The following C7orf78 variants were observed in gnomAD, a reference collection of about 807,000 sequenced individuals.
C7orf78 encodes putative uncharacterized protein C7orf78.
the C7orf78 span, among the ~76,000 whole-genome samples, chr7:12,520,412 C>G: frequency 6.6e-5 from 10 of 152,232 alleles, no homozygotes; most frequent in African/African-American, 2.4e-4. Context: ...TTTGCTGTAT[C>G]CCATAGGTTT....
the C7orf78 span, among the ~76,000 whole-genome samples, chr7:12,501,502 T>G: frequency 0.095 from 14,358 of 150,868 alleles, 835 homozygotes; most frequent in Non-Finnish European, 0.13. Flanking sequence ...GAGAATAAAA[T>G]ACCTAGGAAT....
At chr7:12,501,853 A>C in the C7orf78 span, among the ~76,000 whole-genome samples, 1 of 75,720 alleles carries the variant, frequency 1.3e-5, no homozygotes, top group Admixed American at 1.7e-4. Flanking sequence ...TACAGTAACC[A>C]AAACAGCATG....
chr7:12,521,060 G>A, the C7orf78 span, among the ~76,000 whole-genome samples: 1 of 151,768 alleles, frequency 6.6e-6, no homozygotes, highest in African/African-American at 2.4e-5. Flanking sequence ...GTTTCCATTT[G>A]TATGGAACAT....
the C7orf78 span, chr7:12,531,138 C>G: frequency 5.0e-6 from 2 of 397,940 alleles, no homozygotes; most frequent in Non-Finnish European, 8.9e-6. Context: ...TATATTAACT[C>G]TTTAACATTA....
At chr7:12,531,700 A>C in the C7orf78 span, among the ~76,000 whole-genome samples, 7 of 152,272 alleles carry the variant, frequency 4.6e-5, no homozygotes, top group African/African-American at 1.7e-4. Flanking sequence ...AATAGTACCA[A>C]CTTTGCAGAG....
At chr7:12,528,057 T>C in the C7orf78 span, among the ~76,000 whole-genome samples, 1 of 149,392 alleles carries the variant, frequency 6.7e-6, no homozygotes, top group Non-Finnish European at 1.5e-5. Context: ...TTTCCTAGTA[T>C]ATGCTGTGTG....
chr7:12,486,408 T>C, the C7orf78 span, among the ~76,000 whole-genome samples: 1 of 151,970 alleles, frequency 6.6e-6, no homozygotes, highest in East Asian at 1.9e-4. Flanking sequence ...TATTAGGTTT[T>C]ATTTGCTCTT....
the C7orf78 span, among the ~76,000 whole-genome samples, chr7:12,529,484 T>C: frequency 3.9e-5 from 6 of 152,168 alleles, no homozygotes; most frequent in African/African-American, 1.4e-4. Context: ...CTGTAAAATA[T>C]TTGAAGAGAT....
the C7orf78 span, among the ~76,000 whole-genome samples, chr7:12,489,894 C>T: frequency 6.6e-6 from 1 of 152,050 alleles, no homozygotes; most frequent in Non-Finnish European, 1.5e-5. Context: ...CTTTCAATAG[C>T]TAGTGGATGT....
At chr7:12,498,008 C>T in the C7orf78 span, among the ~76,000 whole-genome samples, 2 of 151,878 alleles carry the variant, frequency 1.3e-5, no homozygotes, top group South Asian at 4.2e-4. Context: ...CTCCAACAGA[C>T]CTGCAGCTGA....
chr7:12,508,723 G>A, the C7orf78 span, among the ~76,000 whole-genome samples: 2 of 152,184 alleles, frequency 1.3e-5, no homozygotes, highest in Non-Finnish European at 2.9e-5. Context: ...AGCTTCACCT[G>A]TATTTACAGC....
the C7orf78 span, among the ~76,000 whole-genome samples, chr7:12,539,203 A>G: frequency 6.6e-6 from 1 of 152,140 alleles, no homozygotes; most frequent in Non-Finnish European, 1.5e-5. Flanking sequence ...AGTGGCTCAC[A>G]CCTGTAATCC....
the C7orf78 span, among the ~76,000 whole-genome samples, chr7:12,537,483 G>A: frequency 6.6e-6 from 1 of 152,122 alleles, no homozygotes. Context: ...ATAGGCAAGG[G>A]TATAGAGCAA....
chr7:12,508,771 T>G, the C7orf78 span, among the ~76,000 whole-genome samples: 1 of 152,182 alleles, frequency 6.6e-6, no homozygotes, highest in Non-Finnish European at 1.5e-5. Flanking sequence ...GAGCTCTGCT[T>G]CCTGTCAGAT....
the C7orf78 span, among the ~76,000 whole-genome samples, chr7:12,496,819 G>C: frequency 6.6e-6 from 1 of 152,130 alleles, no homozygotes; most frequent in Non-Finnish European, 1.5e-5. Flanking sequence ...AAATCAGATA[G>C]CATAAAGATA....
At chr7:12,538,946 C>G in the C7orf78 span, among the ~76,000 whole-genome samples, 2 of 152,182 alleles carry the variant, frequency 1.3e-5, no homozygotes, top group Non-Finnish European at 2.9e-5. Flanking sequence ...TACTAAAGGG[C>G]TCCACAGGTG....
the C7orf78 span, among the ~76,000 whole-genome samples, chr7:12,509,614 C>A: frequency 2.0e-5 from 3 of 152,096 alleles, no homozygotes; most frequent in Non-Finnish European, 4.4e-5. Flanking sequence ...TCTCATAACC[C>A]CCTCTCACCA....
chr7:12,535,135 A>G, the C7orf78 span, among the ~76,000 whole-genome samples: 1 of 152,210 alleles, frequency 6.6e-6, no homozygotes, highest in Non-Finnish European at 1.5e-5. Flanking sequence ...TTGCACACCC[A>G]CCAAAATAGC....
At chr7:12,498,553 G>A in the C7orf78 span, among the ~76,000 whole-genome samples, 1 of 151,986 alleles carries the variant, frequency 6.6e-6, no homozygotes, top group Non-Finnish European at 1.5e-5. Context: ...AAAAAGAAAC[G>A]AGCAAAGCCT....
Sources: allele counts gnomAD v4.1 joint callset (sites outside exome capture counted in the v4.1 genomes callset), GRCh38; gene constraint gnomAD v4.1.1; transcripts MANE v1.5; gene names NCBI Gene and HGNC (gene_info 2026-07-23, HGNC 2026-07-21).